The following CCNY variants were observed in gnomAD, a reference collection of about 807,000 sequenced individuals.
The protein encoded by CCNY is cyclin Y.
In CCNY, 19 loss-of-function variants were observed where a neutral mutation model predicts 42.8. The ratio of observed to expected loss-of-function variants is 0.44; its 90% confidence interval spans 0.31 to 0.65. The LOEUF (loss-of-function observed/expected upper bound fraction) is 0.65. Ranked by LOEUF, CCNY falls within the 30% of genes least tolerant of loss-of-function variation. The probability of loss-of-function intolerance (pLI) is 0.07; values close to 1 mark genes in which losing one functional copy is unlikely to be tolerated. For synonymous variants in CCNY, 165 were observed against 162.7 expected, an observed-to-expected ratio of 1.01 and a Z score of -0.11; for missense variants, 370 against 437.3, an observed-to-expected ratio of 0.85 and a Z score of 1.37.
At chr10:35,286,571 G>C (rs1023944565) in intron 3 of CCNY, among the ~76,000 whole-genome samples, 3 of 149,858 alleles carry the variant, frequency 2.0e-5, no homozygotes, top group African/African-American at 4.9e-5. Context: ...GTTGGCCATG[G>C]TTTCGAACTC....
At chr10:35,390,952 G>C (rs146219268) in intron 1 of CCNY, among the ~76,000 whole-genome samples, 1 of 152,300 alleles carries the variant, frequency 6.6e-6, no homozygotes, top group African/African-American at 2.4e-5. Flanking sequence ...CTGGGAACAC[G>C]GAACCCAGTT....
chr10:35,248,370 G>A (rs58119251), intron 2 of CCNY, among the ~76,000 whole-genome samples: 4,138 of 152,250 alleles, frequency 0.027, 180 homozygotes, highest in African/African-American at 0.091. Context: ...GGGGCCGGGC[G>A]CGGTGGCTCA....
chr10:35,555,644 TA>T (rs1330414357), intron 8 of CCNY, among the ~76,000 whole-genome samples: 2 of 152,198 alleles, frequency 1.3e-5, no homozygotes, highest in Non-Finnish European at 2.9e-5. Context: ...GTGACTTGAC[TA>T]GTAAGTCAGT....
Position 35,482,068 on chromosome 10 carries a change from G to A in CCNY, c.155-1336G>A, listed in dbSNP as rs543388210. Among the ~76,000 whole-genome samples, 9 of 152,292 alleles carry A rather than the reference G, an allele frequency of 5.9e-5. No individual in the cohort carries two copies. In the East Asian group the frequency reaches 1.2e-3, roughly 20 times the overall value. ...AGATGTTTCTTTAATCAGGTACTCC[G>A]GGAGAAGTTAGGAACTGGCCCAGTA... On this transcript the variant is annotated intron_variant, in intron 1 of 9. Transcript: ENST00000374704.
intron 1 of CCNY, among the ~76,000 whole-genome samples, chr10:35,356,041 GA>G (rs1458070175): frequency 6.6e-6 from 1 of 152,182 alleles, no homozygotes; most frequent in Non-Finnish European, 1.5e-5. Flanking sequence ...CAAAGATGCA[GA>G]AAAGGTTTTT....
At chr10:35,321,369 T>A (rs1396648286) in intron 3 of CCNY, among the ~76,000 whole-genome samples, 1 of 152,006 alleles carries the variant, frequency 6.6e-6, no homozygotes, top group Non-Finnish European at 1.5e-5. Flanking sequence ...TACAATGTAA[T>A]CTTAACTGAA....
intron 1 of CCNY, among the ~76,000 whole-genome samples, chr10:35,367,667 G>GCTGCTGCCTGGAGCAGTGTCTTTGGGA (rs1564384602): frequency 2.6e-5 from 4 of 152,214 alleles, no homozygotes; most frequent in Non-Finnish European, 4.4e-5. Flanking sequence ...ACACCTTCCT[G>GCTGCTGCCTGGAGCAGTGTCTTTGGGA]CTGCTGCCTG....
chr10:35,555,088 A>G (rs1723083808), intron 8 of CCNY, among the ~76,000 whole-genome samples: 1 of 152,216 alleles, frequency 6.6e-6, no homozygotes, highest in South Asian at 2.1e-4. Context: ...TGCATATGTC[A>G]GTTGAATCCT....
At chr10:35,377,607 ACCTATT>A (rs1837082050) in intron 1 of CCNY, among the ~76,000 whole-genome samples, 2 of 152,222 alleles carry the variant, frequency 1.3e-5, no homozygotes, top group African/African-American at 4.8e-5. Flanking sequence ...GCATGACTGT[ACCTATT>A]TAAGTGGTGA....
intron 9 of CCNY, among the ~76,000 whole-genome samples, chr10:35,568,178 C>G (rs1010678141): frequency 6.6e-6 from 1 of 152,226 alleles, no homozygotes; most frequent in African/African-American, 2.4e-5. Context: ...ACCCTGAGAG[C>G]ACAGGCCGAG....
At chr10:35,307,590 C>CTAGG (rs1024770352) in intron 3 of CCNY, among the ~76,000 whole-genome samples, 5 of 151,854 alleles carry the variant, frequency 3.3e-5, no homozygotes, top group Non-Finnish European at 5.9e-5. Context: ...GATCTTTATG[C>CTAGG]TAGGTACTGG....
rs114453853 is a variant in CCNY at position 35,434,502 on chromosome 10, T to C, written c.155-48902T>C. 5.4e-3 allele frequency among the ~76,000 whole-genome samples: 828 copies of C among 152,346 alleles called. 11 individuals carry two copies. Among genetic ancestry groups the C allele is most frequent in the African/African-American group, 0.019 (783 of 41,584 alleles). Reference sequence around the variant, plus strand: ...ATTTTATGATTTTAGAGACTTGCATTATTTGACAAATGGTATTTAAAAAAG... The same window carrying C: ...ATTTTATGATTTTAGAGACTTGCATCATTTGACAAATGGTATTTAAAAAAG... On this transcript the variant is annotated intron_variant, in intron 1 of 9. Transcript: ENST00000374704.
chr10:35,368,861 G>T (rs1378695578), intron 1 of CCNY, among the ~76,000 whole-genome samples: 1 of 152,130 alleles, frequency 6.6e-6, no homozygotes, highest in East Asian at 1.9e-4. Flanking sequence ...GTGCTCGGAG[G>T]TACCAGAGGA....
In CCNY at chr10:35,555,471, TAAC is replaced by T. The variant is rs1468690647; in HGVS notation, c.746+2294_746+2296del. Among the ~76,000 whole-genome samples the T allele has an allele frequency of 1.8e-4, 27 of 152,298 alleles. No individual in the cohort carries two copies. The East Asian group carries it at 3.9e-3, about 22-fold the overall frequency. ...TTACCAGGAATATTTATAATCACAATAACAACAACAGCAGCAGCAGCTATCCTA... is the reference window on the plus strand; with the variant it reads ...TTACCAGGAATATTTATAATCACAATAACAACAGCAGCAGCAGCTATCCTA... On this transcript the variant is annotated intron_variant, in intron 8 of 9. Coordinates refer to ENST00000374704, the MANE Select transcript of CCNY (RefSeq NM_145012.6).
chr10:35,306,091 G>C (rs951197006), intron 3 of CCNY, among the ~76,000 whole-genome samples: 1 of 152,142 alleles, frequency 6.6e-6, no homozygotes, highest in African/African-American at 2.4e-5. Flanking sequence ...CTGGAGTGCA[G>C]TGGTGCAATC....
intron 1 of CCNY, among the ~76,000 whole-genome samples, chr10:35,441,322 A>G (rs1838662504): frequency 6.6e-6 from 1 of 152,262 alleles, no homozygotes; most frequent in Non-Finnish European, 1.5e-5. Flanking sequence ...GACAAGATGA[A>G]TAAGAGCTTT....
intron 1 of CCNY, among the ~76,000 whole-genome samples, chr10:35,420,418 T>C (rs1165974195): frequency 1.3e-5 from 2 of 152,220 alleles, no homozygotes; most frequent in African/African-American, 4.8e-5. Flanking sequence ...CTCTTGTTTC[T>C]CATGAAAATG....
At chr10:35,449,832 A>G (rs1666228178) in intron 1 of CCNY, 1 of 983,936 alleles carries the variant, frequency 1.0e-6, no homozygotes, top group Non-Finnish European at 1.2e-6. Flanking sequence ...AGTGCCAGGG[A>G]GTGTTGGAGG....
chr10:35,402,610 G>A (rs1266701021), intron 1 of CCNY, among the ~76,000 whole-genome samples: 1 of 152,174 alleles, frequency 6.6e-6, no homozygotes, highest in Non-Finnish European at 1.5e-5. Flanking sequence ...TGTTAAAGAA[G>A]GATTAGAAAC....
Sources: gnomAD v4.1 joint callset for allele counts (sites outside exome capture counted in the v4.1 genomes callset) on GRCh38, gnomAD v4.1.1 for gene constraint, MANE v1.5 for transcripts, NCBI Gene and HGNC (gene_info 2026-07-23, HGNC 2026-07-21) for gene names.